The following GLO1 variants were observed in gnomAD, a reference collection of about 807,000 sequenced individuals.
The protein encoded by GLO1 is lactoylglutathione lyase.
In GLO1, 28 loss-of-function variants were observed where a neutral mutation model predicts 26.0. That is an observed-to-expected ratio of 1.08 (90% CI 0.80 to 1.48). The LOEUF is 1.48. Among genes scored for constraint, GLO1 ranks in the 40% most tolerant of loss-of-function variants. The pLI is 0.00. For synonymous variants in GLO1, 78 were observed against 77.6 expected (o/e 1.00, Z -0.03); for missense variants, 225 against 224.8 (o/e 1.00, Z -0.01).
intron 1 of GLO1, among the ~76,000 whole-genome samples, chr6:38,698,610 T>TA (rs1392534440): frequency 6.8e-6 from 1 of 146,832 alleles, no homozygotes; most frequent in Non-Finnish European, 1.5e-5. Flanking sequence ...ATACAGATAG[T>TA]AAAAAAGAAA....
chr6:38,686,389 C>A (rs749814151), intron 2 of GLO1, among the ~76,000 whole-genome samples: 1 of 151,908 alleles, frequency 6.6e-6, no homozygotes. Context: ...CTCAGTAAAG[C>A]TGGAGAAAAA....
At position 38,691,312 on chromosome 6, in the gene GLO1, C is replaced by CT. The variant is rs35298806; in HGVS notation, c.85-4339dup. 4.7e-3 allele frequency among the ~76,000 whole-genome samples: 677 copies of CT among 144,146 alleles called. 6 individuals are homozygous for CT. Among genetic ancestry groups the CT allele is most frequent in the African/African-American group, 0.012 (467 of 39,594 alleles). The allele number at this position is 144,146 out of a possible 152,430, so 94.6% of individuals were successfully genotyped here. A position where few individuals can be genotyped will look rare whatever the true frequency, so the allele number is the denominator to read the frequency against. The stretch of plus-strand genomic sequence containing the variant: ...AATTAAGAAAACTACTGTAAGAAAA[C>CT]TTTTTTTTTTTTTAAGATGGAGTCT... On this transcript the variant is annotated intron_variant, in intron 1 of 5. Coordinates refer to ENST00000373365, the MANE Select transcript of GLO1 (RefSeq NM_006708.3).
At position 38,678,382 on chromosome 6, in the gene GLO1, G is replaced by GGAAGGAAGGAAGGAAGGAAGGAAA. The variant is rs1554186599; in HGVS notation, c.467-1000_467-999insTTTCCTTCCTTCCTTCCTTCCTTC. On this transcript the variant is annotated intron_variant, in intron 5 of 5. Coordinates refer to ENST00000373365, the MANE Select transcript of GLO1 (RefSeq NM_006708.3). The stretch of plus-strand genomic sequence containing the variant: ...GGAAGGAAGGAGGGAGGGAGAGAGA[G>GGAAGGAAGGAAGGAAGGAAGGAAA]GAAGGAAGGAAGGAAGGAAAAGAAA... 2.0e-3 allele frequency among the ~76,000 whole-genome samples: 283 copies of GGAAGGAAGGAAGGAAGGAAGGAAA among 143,328 alleles called. 3 individuals carry two copies. Among genetic ancestry groups the GGAAGGAAGGAAGGAAGGAAGGAAA allele is most frequent in the African/African-American group, 7.3e-3 (276 of 37,808 alleles). 94.0% of individuals were successfully genotyped at this position (143,328 alleles called of 152,430 possible). A position where few individuals can be genotyped will look rare whatever the true frequency, so the allele number is the denominator to read the frequency against.
At chr6:38,702,514 C>G (rs1312749142) in intron 1 of GLO1, among the ~76,000 whole-genome samples, 1 of 152,144 alleles carries the variant, frequency 6.6e-6, no homozygotes, top group Non-Finnish European at 1.5e-5. Flanking sequence ...AAGTGAAATT[C>G]TGGGCGCGGT....
At chr6:38,683,032 CA>C in intron 3 of GLO1, 157 bp from the exon 4 acceptor site, 1 of 564,412 alleles carries the variant, frequency 1.8e-6, no homozygotes. Context: ...ATAGAAAGGA[CA>C]AATGGCCAAA....
At chr6:38,692,693 A>G (rs1231999880) in intron 1 of GLO1, among the ~76,000 whole-genome samples, 1 of 151,984 alleles carries the variant, frequency 6.6e-6, no homozygotes, top group Non-Finnish European at 1.5e-5. Context: ...ATCAAGTTAA[A>G]GAAATGCCCC....
At chr6:38,684,619 A>G in intron 2 of GLO1, 105 bp from the exon 3 acceptor site, 1 of 614,102 alleles carries the variant, frequency 1.6e-6, no homozygotes, top group Non-Finnish European at 2.4e-6. Context: ...AAGAAGAGCT[A>G]TATGTAGTAA....
At chr6:38,680,730 A>G (rs114762451) in intron 5 of GLO1, among the ~76,000 whole-genome samples, 4,065 of 152,228 alleles carry the variant, frequency 0.027, 80 homozygotes, top group East Asian at 0.072. Flanking sequence ...TCTCTACAAA[A>G]AAATAAAACA....
chr6:38,680,072 G>C (rs1398043003), intron 5 of GLO1, among the ~76,000 whole-genome samples: 3 of 152,128 alleles, frequency 2.0e-5, no homozygotes, highest in African/African-American at 7.2e-5. Context: ...AACATGAATT[G>C]ACAGATTTTT....
intron 5 of GLO1, among the ~76,000 whole-genome samples, chr6:38,679,411 A>G (rs922905831): frequency 2.6e-5 from 4 of 152,266 alleles, no homozygotes; most frequent in African/African-American, 9.6e-5. Context: ...GATCCTCCCG[A>G]ACCTCCCAAT....
intron 1 of GLO1, among the ~76,000 whole-genome samples, chr6:38,692,711 AT>A (rs979329485): frequency 6.6e-6 from 1 of 151,530 alleles, no homozygotes; most frequent in Admixed American, 6.6e-5. Flanking sequence ...CCCCATTCCT[AT>A]TTTTTTCTGA....
At chr6:38,693,368 C>T (rs942743819) in intron 1 of GLO1, among the ~76,000 whole-genome samples, 1 of 152,002 alleles carries the variant, frequency 6.6e-6, no homozygotes, top group Non-Finnish European at 1.5e-5. Context: ...GTAGTTTGTG[C>T]TTCTTTGTTT....
In GLO1 at chr6:38,676,127, A is replaced by AC. The variant is rs1325669969; in HGVS notation, c.*1167dup. On this transcript the variant is annotated 3_prime_UTR_variant, in exon 6 of 6. Transcript: ENST00000373365. ...GAAATCTAAATATAGTCATCCACAA[A>AC]CTGGATGTTTTTATTTTCTGAGCCA... 6.6e-6 allele frequency: 1 copy of AC among 151,978 alleles called. No individual in the cohort carries two copies. The highest frequency in any genetic ancestry group is 1.5e-5 in the Non-Finnish European group (1 of 67,986). The allele number at this position is 151,978 out of a possible 1,614,324, so 9.4% of individuals were successfully genotyped here.
rs1397441657 is a variant in GLO1 at position 38,676,482 on chromosome 6, G to T, written c.*813C>A. On this transcript the variant is annotated 3_prime_UTR_variant, in exon 6 of 6. Transcript: ENST00000373365. ...TTTTTACAACAGGAAACCAGTGGAG[G>T]TATTGTGAGGTACTACAACTTTGAG... 1 of 152,170 alleles carries T rather than the reference G, an allele frequency of 6.6e-6. No individual in the cohort carries two copies. The highest frequency in any genetic ancestry group is 2.4e-5 in the African/African-American group (1 of 41,442). The allele number at this position is 152,170 out of a possible 1,614,324, so 9.4% of individuals were successfully genotyped here. A position where few individuals can be genotyped will look rare whatever the true frequency, so the allele number is the denominator to read the frequency against.
intron 1 of GLO1, among the ~76,000 whole-genome samples, chr6:38,695,611 C>A (rs768665035): frequency 4.6e-5 from 7 of 152,066 alleles, no homozygotes; most frequent in Non-Finnish European, 7.4e-5. Flanking sequence ...TGGCTCCCTA[C>A]CCAGCCTTCC....
Position 38,684,356 on chromosome 6 carries a change from A to C in GLO1, c.308+18T>G, listed in dbSNP as rs777519342. Reference sequence around the variant, plus strand: ...TAAAAAATCTATAATATATATAAATATAGAAACTCATACTCACTGTGTCAG... The same window carrying C: ...TAAAAAATCTATAATATATATAAATCTAGAAACTCATACTCACTGTGTCAG... On this transcript the variant is annotated intron_variant, in intron 3 of 5. Transcript: ENST00000373365. 1 of 1,267,738 alleles carries C rather than the reference A, an allele frequency of 7.9e-7. No homozygotes were observed. The highest frequency in any genetic ancestry group is 1.0e-6 in the Non-Finnish European group (1 of 974,600). 78.5% of individuals were successfully genotyped at this position (1,267,738 alleles called of 1,614,324 possible).
At chr6:38,684,544 A>G in intron 2 of GLO1, 30 bp from the exon 3 acceptor site, 1 of 1,416,732 alleles carries the variant, frequency 7.1e-7, no homozygotes, top group Non-Finnish European at 9.3e-7. Flanking sequence ...AGCCTGAATC[A>G]TTAACAACAG....
At chr6:38,698,139 A>G (rs1006466160) in intron 1 of GLO1, among the ~76,000 whole-genome samples, 2 of 152,124 alleles carry the variant, frequency 1.3e-5, no homozygotes, top group Non-Finnish European at 2.9e-5. Flanking sequence ...AAAACAAATG[A>G]ATATAATGGG....
intron 5 of GLO1, among the ~76,000 whole-genome samples, chr6:38,677,734 A>G (rs376587969): frequency 2.6e-5 from 4 of 152,328 alleles, no homozygotes; most frequent in East Asian, 3.9e-4. Flanking sequence ...TTTATTAATT[A>G]AAGATTTACT....
Sources: gnomAD v4.1 joint callset for allele counts (sites outside exome capture counted in the v4.1 genomes callset) on GRCh38, gnomAD v4.1.1 for gene constraint, MANE v1.5 for transcripts, NCBI Gene and HGNC (gene_info 2026-07-23, HGNC 2026-07-21) for gene names.